NEGR1: variants seen among roughly 807,000 people sequenced by gnomAD.
NEGR1 encodes the protein IgLON family member 4.
NEGR1 carries 10 observed loss-of-function variants against 40.9 expected under a neutral mutation model. The observed-to-expected ratio is 0.24, with a 90% CI of 0.15 to 0.42. NEGR1 has a LOEUF of 0.42. NEGR1 is among the 10% of genes least tolerant of loss of function. NEGR1 has a pLI of 1.00. For missense variants in NEGR1, 352 were observed against 438.9 expected (o/e 0.80, Z 1.77); for synonymous variants, 185 against 166.8 (o/e 1.11, Z -0.84).
chr1:72,170,062 CCT>C (rs1651906340), intron 1 of NEGR1, among the ~76,000 whole-genome samples: 1 of 152,014 alleles, frequency 6.6e-6, no homozygotes, highest in African/African-American at 2.4e-5. Context: ...AAAATGTGTA[CCT>C]CTTTAAAACA....
At chr1:71,964,007 G>T (rs763216673) in intron 1 of NEGR1, among the ~76,000 whole-genome samples, 8 of 152,120 alleles carry the variant, frequency 5.3e-5, no homozygotes, top group Non-Finnish European at 1.2e-4. Flanking sequence ...ATGATGAGGG[G>T]TGGTGTTCTT....
chr1:72,229,161 T>C (rs1317399571), intron 1 of NEGR1, among the ~76,000 whole-genome samples: 1 of 151,942 alleles, frequency 6.6e-6, no homozygotes, highest in Non-Finnish European at 1.5e-5. Context: ...ATTACTAAAA[T>C]TAGTTTCCCA....
chr1:71,528,918 G>T (rs113430549), intron 6 of NEGR1, among the ~76,000 whole-genome samples: 1 of 151,224 alleles, frequency 6.6e-6, no homozygotes, highest in Non-Finnish European at 1.5e-5. Context: ...TTAAAATAGT[G>T]ACACTGTACA....
At chr1:71,781,928 A>G (rs1656730963) in intron 2 of NEGR1, among the ~76,000 whole-genome samples, 1 of 152,162 alleles carries the variant, frequency 6.6e-6, no homozygotes, top group Non-Finnish European at 1.5e-5. Context: ...GACTTCTCAT[A>G]CCTCAAAAAT....
chr1:71,444,792 A>G lies in NEGR1; in HGVS notation c.941-37222T>C, dbSNP rs189461700. 2.8e-3 allele frequency among the ~76,000 whole-genome samples: 432 copies of G among 152,320 alleles called. 5 individuals are homozygous for G. Among genetic ancestry groups the G allele is most frequent in the Non-Finnish European group, 4.9e-3 (330 of 67,996 alleles). ...CAATATATTTCCATCAACAAGCAGTAAGTAGTCACATGACATGATATATAA... is the reference window on the plus strand; with the variant it reads ...CAATATATTTCCATCAACAAGCAGTGAGTAGTCACATGACATGATATATAA... On this transcript the variant is annotated intron_variant, in intron 6 of 6. Transcript: ENST00000357731.
At chr1:71,980,002 A>C (rs1383061346) in intron 1 of NEGR1, among the ~76,000 whole-genome samples, 1 of 152,160 alleles carries the variant, frequency 6.6e-6, no homozygotes, top group Non-Finnish European at 1.5e-5. Context: ...ACCATTTCAG[A>C]GTGGTAAAAG....
At chr1:71,911,631 G>T (rs184006255) in intron 2 of NEGR1, among the ~76,000 whole-genome samples, 73 of 152,282 alleles carry the variant, frequency 4.8e-4, no homozygotes, top group African/African-American at 1.6e-3. Flanking sequence ...CTAAGGTTAT[G>T]TGAGTAGTTA....
chr1:71,867,645 C>A (rs1660157905), intron 2 of NEGR1, among the ~76,000 whole-genome samples: 2 of 151,952 alleles, frequency 1.3e-5, no homozygotes, highest in African/African-American at 4.8e-5. Flanking sequence ...AGACTCCTGA[C>A]CAAAATCATA....
chr1:71,612,746 G>C (rs1354278825), intron 4 of NEGR1, among the ~76,000 whole-genome samples: 2 of 152,210 alleles, frequency 1.3e-5, no homozygotes, highest in Non-Finnish European at 2.9e-5. Flanking sequence ...AAATGAGTGA[G>C]TTAGCTATGT....
At chr1:72,162,456 CCAAACAAACAAA>C (rs745791852) in intron 1 of NEGR1, among the ~76,000 whole-genome samples, 1 of 151,504 alleles carries the variant, frequency 6.6e-6, no homozygotes, top group Non-Finnish European at 1.5e-5. Context: ...ACAGAGGAAG[CCAAACAAACAAA>C]CAAACAAACA....
chr1:72,046,028 T>C (rs904461527), intron 1 of NEGR1, among the ~76,000 whole-genome samples: 1 of 151,700 alleles, frequency 6.6e-6, no homozygotes, highest in Admixed American at 6.6e-5. Context: ...ATGGAAAATA[T>C]AATCATCTAA....
At chr1:72,143,899 AT>A (rs1325434140) in intron 1 of NEGR1, among the ~76,000 whole-genome samples, 6 of 80,384 alleles carry the variant, frequency 7.5e-5, no homozygotes, top group African/African-American at 3.1e-4. Context: ...TATATATTAT[AT>A]ATATGATATA....
At chr1:71,881,715 A>G (rs1329855091) in intron 2 of NEGR1, among the ~76,000 whole-genome samples, 5 of 152,110 alleles carry the variant, frequency 3.3e-5, no homozygotes, top group African/African-American at 9.6e-5. Flanking sequence ...TGAGTATCAC[A>G]TGACTTTCCC....
At chr1:71,954,841 C>A (rs1277707482) in intron 1 of NEGR1, among the ~76,000 whole-genome samples, 1 of 151,990 alleles carries the variant, frequency 6.6e-6, no homozygotes, top group Non-Finnish European at 1.5e-5. Flanking sequence ...GTCAGCCACA[C>A]ACAGCTATGA....
chr1:71,555,850 G>A (rs1487311593), intron 6 of NEGR1, among the ~76,000 whole-genome samples: 1 of 151,364 alleles, frequency 6.6e-6, no homozygotes, highest in East Asian at 2.0e-4. Context: ...TCCATCCACT[G>A]GTCCCCAACT....
intron 5 of NEGR1, among the ~76,000 whole-genome samples, chr1:71,610,793 G>A (rs1650225619): frequency 6.6e-6 from 1 of 152,100 alleles, no homozygotes; most frequent in African/African-American, 2.4e-5. Context: ...AAATGCATCA[G>A]TGATGGAGGA....
At chr1:72,077,436 A>G (rs897357921) in intron 1 of NEGR1, among the ~76,000 whole-genome samples, 2 of 152,080 alleles carry the variant, frequency 1.3e-5, no homozygotes, top group Non-Finnish European at 2.9e-5. Flanking sequence ...AGTTATAAGG[A>G]AAATAAAATC....
intron 1 of NEGR1, among the ~76,000 whole-genome samples, chr1:72,229,967 T>C (rs1654308894): frequency 6.6e-6 from 1 of 152,100 alleles, no homozygotes; most frequent in Admixed American, 6.6e-5. Context: ...AGTTGCTCAG[T>C]ACATTAGAAT....
At chr1:72,141,368 G>T (rs553566324) in intron 1 of NEGR1, among the ~76,000 whole-genome samples, 43 of 151,876 alleles carry the variant, frequency 2.8e-4, no homozygotes, top group Non-Finnish European at 5.2e-4. Flanking sequence ...TCATGACATG[G>T]TATGAATTTA....
Sources: allele counts gnomAD v4.1 joint callset (sites outside exome capture counted in the v4.1 genomes callset), GRCh38; gene constraint gnomAD v4.1.1; transcripts MANE v1.5; gene names NCBI Gene and HGNC (gene_info 2026-07-23, HGNC 2026-07-21).